Variants in OXR1 observed in about 807,000 individuals in gnomAD.
OXR1 encodes the protein oxidation resistance protein 1.
Under a neutral mutation model 104.6 loss-of-function variants are expected in OXR1, and 41 were observed. That is an observed-to-expected ratio of 0.39 (90% CI 0.31 to 0.51). OXR1 has a LOEUF of 0.51. Ranked by LOEUF, OXR1 falls within the 20% of genes least tolerant of loss-of-function variation. The probability of loss-of-function intolerance (pLI) is 0.77; values close to 1 mark genes in which losing one functional copy is unlikely to be tolerated. For synonymous variants in OXR1, 348 were observed against 348.4 expected (o/e 1.00, Z 0.01); for missense variants, 955 against 1,031.9 (o/e 0.93, Z 1.02).
At chr8:106,308,293 T>C (rs1813548853) in intron 1 of OXR1, among the ~76,000 whole-genome samples, 1 of 152,166 alleles carries the variant, frequency 6.6e-6, no homozygotes, top group Non-Finnish European at 1.5e-5. Flanking sequence ...CCTCCACCTT[T>C]TTGTTTATGT....
chr8:106,646,175 G>A (rs528596906), intron 3 of OXR1, among the ~76,000 whole-genome samples: 28 of 151,286 alleles, frequency 1.9e-4, no homozygotes, highest in African/African-American at 3.6e-4. Context: ...GCGTGATCTC[G>A]GCTCACTGCA....
chr8:106,697,735 A>G (rs953932262), intron 7 of OXR1: 1 of 1,613,892 alleles, frequency 6.2e-7, no homozygotes, highest in Non-Finnish European at 8.5e-7. Flanking sequence ...GAACTGAGAG[A>G]TCTTCTCCAT....
At chr8:106,608,272 A>AGAGC (rs1292567368) in intron 3 of OXR1, among the ~76,000 whole-genome samples, 2 of 152,212 alleles carry the variant, frequency 1.3e-5, no homozygotes, top group Non-Finnish European at 2.9e-5. Context: ...CCTGGGTTAC[A>AGAGC]GAGCGAGACC....
At chr8:106,573,289 A>G (rs1817602549) in intron 3 of OXR1, among the ~76,000 whole-genome samples, 1 of 151,340 alleles carries the variant, frequency 6.6e-6, no homozygotes. Flanking sequence ...TGTTTGGCCA[A>G]ATGTCTGGGC....
intron 3 of OXR1, among the ~76,000 whole-genome samples, chr8:106,585,223 G>C: frequency 6.6e-6 from 1 of 151,984 alleles, no homozygotes; most frequent in African/African-American, 2.4e-5. Flanking sequence ...TGTTGTGGAT[G>C]GCAATTCTAG....
chr8:106,411,815 CA>C (rs1351623199), intron 2 of OXR1, among the ~76,000 whole-genome samples: 1 of 152,082 alleles, frequency 6.6e-6, no homozygotes, highest in Non-Finnish European at 1.5e-5. Context: ...GTGGGGGCCC[CA>C]CCCATTCAGG....
rs1563716345 is a variant in OXR1 at position 106,694,653 on chromosome 8, G to GATATATAAATATATGTTTATATATTTA, written c.675+1818_675+1844dup. 1.4e-3 allele frequency among the ~76,000 whole-genome samples: 46 copies of GATATATAAATATATGTTTATATATTTA among 33,312 alleles called. 2 individuals are homozygous for GATATATAAATATATGTTTATATATTTA. Among genetic ancestry groups the GATATATAAATATATGTTTATATATTTA allele is most frequent in the Admixed American group, 9.5e-3 (32 of 3,386 alleles). 21.9% of individuals were successfully genotyped at this position (33,312 alleles called of 152,430 possible). On this transcript the variant is annotated intron_variant, in intron 7 of 16. Transcript: ENST00000517566. ...TATAAATATATGTTTATATATATTT[G>GATATATAAATATATGTTTATATATTTA]ATATATAAATATATGTTTATATATT...
chr8:106,486,651 T>C (rs865890430), intron 2 of OXR1, among the ~76,000 whole-genome samples: 17 of 152,080 alleles, frequency 1.1e-4, no homozygotes, highest in Admixed American at 4.6e-4. Context: ...CTGTGGAAAA[T>C]AGACCTATTT....
At chr8:106,301,140 T>C (rs576286517) in intron 1 of OXR1, among the ~76,000 whole-genome samples, 1 of 152,300 alleles carries the variant, frequency 6.6e-6, no homozygotes, top group South Asian at 2.1e-4. Context: ...AACTGTAAAA[T>C]TGCCCCAGAA....
chr8:106,501,232 T>C (rs1037267731), intron 2 of OXR1, among the ~76,000 whole-genome samples: 3 of 152,154 alleles, frequency 2.0e-5, no homozygotes, highest in African/African-American at 4.8e-5. Context: ...CAAGGGATCC[T>C]CCTGTCTCAG....
chr8:106,695,978 A>G (rs376743347), intron 7 of OXR1, among the ~76,000 whole-genome samples: 74 of 146,204 alleles, frequency 5.1e-4, no homozygotes, highest in African/African-American at 1.8e-3. Flanking sequence ...AGCAGTATTC[A>G]GGCACCAAGG....
At chr8:106,472,662 C>T (rs1461369777) in intron 2 of OXR1, among the ~76,000 whole-genome samples, 1 of 151,832 alleles carries the variant, frequency 6.6e-6, no homozygotes, top group East Asian at 1.9e-4. Context: ...AAGGAAGAGA[C>T]TTATGCAATT....
intron 3 of OXR1, among the ~76,000 whole-genome samples, chr8:106,595,026 T>A (rs1466435601): frequency 1.3e-5 from 2 of 152,244 alleles, no homozygotes; most frequent in African/African-American, 4.8e-5. Context: ...TATGAAACAC[T>A]TTCTATTCTT....
chr8:106,669,590 GTGTT>G (rs1461889348), intron 3 of OXR1, among the ~76,000 whole-genome samples: 2 of 151,894 alleles, frequency 1.3e-5, no homozygotes, highest in Non-Finnish European at 2.9e-5. Flanking sequence ...TACTTTTAAA[GTGTT>G]TGAAGTTTTA....
intron 2 of OXR1, among the ~76,000 whole-genome samples, chr8:106,501,934 A>C (rs1035313346): frequency 1.3e-5 from 2 of 152,214 alleles, no homozygotes; most frequent in African/African-American, 4.8e-5. Flanking sequence ...AGATTAAGGC[A>C]ATATCTCAAT....
intron 2 of OXR1, among the ~76,000 whole-genome samples, chr8:106,389,444 T>G (rs1440960400): frequency 6.6e-6 from 1 of 152,218 alleles, no homozygotes; most frequent in Non-Finnish European, 1.5e-5. Flanking sequence ...ACATGAATAC[T>G]ATATCCCTAC....
At chr8:106,695,647 T>C (rs570613575) in intron 7 of OXR1, among the ~76,000 whole-genome samples, 138 of 152,296 alleles carry the variant, frequency 9.1e-4, no homozygotes, top group African/African-American at 3.0e-3. Flanking sequence ...CTCGAACTGC[T>C]GACCTCGTGA....
Position 106,710,652 on chromosome 8 carries a change from A to G in OXR1, c.1655A>G (p.His552Arg). ...GCACTTTTAAAAGAAAAGCAAAGGC[A>G]TCGATTACATAAGTTCTTGTGTCTC... is the stretch of plus-strand genomic sequence containing the variant. ...SSALLKEKQR[H>R]RLHKFLCLRV... is the part of the protein sequence containing the mutation. Residue 552 changes from histidine to arginine, a missense_variant, in exon 10 of 17, where the codon CAT becomes CGT. This residue lies in a region of OXR1 where 849 missense variants were observed against 852.9 expected (regional missense o/e 1.00). Transcript: ENST00000517566. 1 of 1,591,560 alleles carries G rather than the reference A, an allele frequency of 6.3e-7. No individual in the cohort carries two copies. The highest frequency in any genetic ancestry group is 8.5e-7 in the Non-Finnish European group (1 of 1,169,920).
At chr8:106,291,489 A>G (rs1812748348) in intron 1 of OXR1, among the ~76,000 whole-genome samples, 1 of 152,246 alleles carries the variant, frequency 6.6e-6, no homozygotes, top group African/African-American at 2.4e-5. Flanking sequence ...GGAAGTAAAT[A>G]TAAACAAACA....
Sources: gnomAD v4.1 joint callset for allele counts (sites outside exome capture counted in the v4.1 genomes callset) on GRCh38, gnomAD v4.1.1 for gene constraint, gnomAD v4.1.1 regional missense constraint, MANE v1.5 for transcripts, NCBI Gene and HGNC (gene_info 2026-07-23, HGNC 2026-07-21) for gene names.